The following AGPAT3 variants were observed in gnomAD, a reference collection of about 807,000 sequenced individuals.
The protein encoded by AGPAT3 is 1-acyl-sn-glycerol-3-phosphate acyltransferase gamma.
Under a neutral mutation model 47.3 loss-of-function variants are expected in AGPAT3, and 5 were observed. That is an observed-to-expected ratio of 0.11 (90% confidence interval 0.06 to 0.22). The LOEUF (loss-of-function observed/expected upper bound fraction) is 0.22, where lower values mean the gene tolerates loss of function less well. Ranked by LOEUF, AGPAT3 falls within the 10% of genes least tolerant of loss-of-function variation. AGPAT3 has a pLI of 1.00. For synonymous variants in AGPAT3, 212 were observed against 208.3 expected (o/e 1.02, Z -0.15); for missense variants, 315 against 493.0 (o/e 0.64, Z 3.42).
In AGPAT3 at chr21:43,908,207, A is replaced by G. The variant is rs375278129; in HGVS notation, c.-49+4188A>G. Among the ~76,000 whole-genome samples, 40 of 152,294 alleles carry G rather than the reference A, an allele frequency of 2.6e-4. No homozygotes were observed. In the East Asian group the frequency reaches 5.8e-3, roughly 22 times the overall value. The stretch of plus-strand genomic sequence containing the variant: ...GCAAGCTTCACTTGTGCCCTAAAGC[A>G]CAAAATACCAGGGCTTGGGGTGAAT... On this transcript the variant is annotated intron_variant, in intron 2 of 9. Coordinates refer to ENST00000291572, the MANE Select transcript of AGPAT3 (RefSeq NM_020132.5). The surrounding 1 kb of genome is among the most constrained non-coding windows in gnomAD (Gnocchi z 4.9).
At chr21:43,978,233 A>G (rs952790237) in intron 8 of AGPAT3, 112 bp downstream of exon 8, 53 of 705,052 alleles carry the variant, frequency 7.5e-5, no homozygotes, top group Non-Finnish European at 1.2e-4. Flanking sequence ...CAGGAGTGCC[A>G]CCCAGGTCCT....
At chr21:43,875,066 C>T (rs141186397) in intron 1 of AGPAT3, among the ~76,000 whole-genome samples, 305 of 152,182 alleles carry the variant, frequency 2.0e-3, no homozygotes, top group African/African-American at 7.0e-3. Context: ...CTGTAACCTC[C>T]GCCTCCCAGG....
intron 7 of AGPAT3, among the ~76,000 whole-genome samples, chr21:43,977,534 C>T (rs1019714636): frequency 1.3e-5 from 2 of 152,200 alleles, no homozygotes; most frequent in Non-Finnish European, 2.9e-5. Context: ...TGACTGTGTA[C>T]TCAGGGCGGA....
intron 1 of AGPAT3, among the ~76,000 whole-genome samples, chr21:43,870,329 G>A (rs113007882): frequency 0.03 from 4,638 of 152,200 alleles, 99 homozygotes; most frequent in Non-Finnish European, 0.043. Context: ...TATGTTTGTC[G>A]TGCAGTTCAG....
intron 1 of AGPAT3, among the ~76,000 whole-genome samples, chr21:43,903,000 C>CA (rs1401832891): frequency 2.0e-5 from 3 of 151,650 alleles, no homozygotes; most frequent in South Asian, 2.1e-4. Context: ...GATCCTGTCT[C>CA]AAAAAAAATA....
chr21:43,956,158 T>G (rs1371200784), intron 2 of AGPAT3, among the ~76,000 whole-genome samples: 2 of 152,162 alleles, frequency 1.3e-5, no homozygotes, highest in African/African-American at 4.8e-5. Context: ...GCCCCCACCC[T>G]GTACAACTCA....
chr21:43,866,593 A>G (rs574215598), intron 1 of AGPAT3: 1 of 151,866 alleles, frequency 6.6e-6, no homozygotes, highest in Non-Finnish European at 1.5e-5. Flanking sequence ...CCTCTTTCCA[A>G]CCAATCCTCC....
Position 43,955,308 on chromosome 21 carries a change from T to A in AGPAT3, c.-48-4326T>A. ...CAGGCTGGGTGGGGAAGGACTTGGA[T>A]GGAAATGTTCCCTGTTGCAGTGTGG... On this transcript the variant is annotated intron_variant, in intron 2 of 9. Coordinates refer to ENST00000291572, the MANE Select transcript of AGPAT3 (RefSeq NM_020132.5). The surrounding 1 kb of genome is among the most constrained non-coding windows in gnomAD (Gnocchi z 4.1). 1 of 1,098,212 alleles carries A rather than the reference T, an allele frequency of 9.1e-7. No individual in the cohort carries two copies. The highest frequency in any genetic ancestry group is 1.7e-5 in the South Asian group (1 of 57,222). The allele number at this position is 1,098,212 out of a possible 1,614,324, so 68.0% of individuals were successfully genotyped here.
In AGPAT3 at chr21:43,969,267, C is replaced by T. The variant is rs368791088; in HGVS notation, c.498C>T (p.Pro166=). Residue 166 remains proline (P), a synonymous_variant, in exon 5 of 10, where the codon CCC becomes CCT. Coordinates refer to ENST00000291572, the MANE Select transcript of AGPAT3 (RefSeq NM_020132.5). ...VEGLRRLSDY[P]EYMWFLLYCE... ...GGCTGAGGCGCCTGTCGGACTACCCCGAGTACATGTGGGTGAGTGCGCGGA... is the reference window on the plus strand; with the variant it reads ...GGCTGAGGCGCCTGTCGGACTACCCTGAGTACATGTGGGTGAGTGCGCGGA... 467 of 1,614,078 alleles carry T rather than the reference C, an allele frequency of 2.9e-4. No homozygotes were observed. The highest frequency in any genetic ancestry group is 3.5e-4 in the Non-Finnish European group (412 of 1,180,032).
In AGPAT3 at chr21:43,933,650, G is replaced by A. The variant is rs1453410330; in HGVS notation, c.-48-25984G>A. On this transcript the variant is annotated intron_variant, in intron 2 of 9. Transcript: ENST00000291572. This position sits in a 1 kb window ranked among gnomAD's most constrained non-coding sequence, Gnocchi z 6.0. ...ACAGCTTGGAAGCGGTTGGCACTGG[G>A]GTTAGGCTCCAGTAGTCTCGGCATG... 6.6e-6 allele frequency among the ~76,000 whole-genome samples: 1 copy of A among 152,040 alleles called. No individual in the cohort carries two copies. Among genetic ancestry groups the A allele is most frequent in the Non-Finnish European group, 1.5e-5 (1 of 68,028 alleles).
intron 2 of AGPAT3, among the ~76,000 whole-genome samples, chr21:43,907,910 G>A (rs2086541457): frequency 6.6e-6 from 1 of 152,204 alleles, no homozygotes. Flanking sequence ...TCCCCTGCTC[G>A]GGTGTTTGCG....
rs188533564 is a variant in AGPAT3 at position 43,873,136 on chromosome 21, C to T, written c.-112+7791C>T. 6.7e-4 allele frequency among the ~76,000 whole-genome samples: 102 copies of T among 152,248 alleles called. 1 individual carries two copies. In the East Asian group the frequency reaches 9.1e-3, roughly 14 times the overall value. Reference sequence around the variant, plus strand: ...GGCATCGAGTGGCGGGTGCACCTGCCGTGTGCTTCCCGGGGGACATGCTGA... The same window carrying T: ...GGCATCGAGTGGCGGGTGCACCTGCTGTGTGCTTCCCGGGGGACATGCTGA... On this transcript the variant is annotated intron_variant, in intron 1 of 9. Transcript: ENST00000291572.
At position 43,922,917 on chromosome 21, in the gene AGPAT3, G is replaced by A. The variant is rs998147243; in HGVS notation, c.-49+18898G>A. Among the ~76,000 whole-genome samples the A allele has an allele frequency of 3.3e-5, 5 of 152,346 alleles. No homozygotes were observed. Among genetic ancestry groups the A allele is most frequent in the Non-Finnish European group, 7.4e-5 (5 of 68,022 alleles). The stretch of plus-strand genomic sequence containing the variant: ...CCTGGGGTCTGGGCATGGGGCGCCT[G>A]TCCCCAGCGGGGCGGGCTCTGGGGT... On this transcript the variant is annotated intron_variant, in intron 2 of 9. Coordinates refer to ENST00000291572, the MANE Select transcript of AGPAT3 (RefSeq NM_020132.5). The surrounding 1 kb of genome is among the most constrained non-coding windows in gnomAD (Gnocchi z 4.9).
intron 2 of AGPAT3, among the ~76,000 whole-genome samples, chr21:43,941,735 G>T (rs1284956378): frequency 6.6e-6 from 1 of 152,266 alleles, no homozygotes; most frequent in African/African-American, 2.4e-5. Context: ...GGGCAGGCTG[G>T]CCCCAGCGAG....
At chr21:43,960,275 C>G (rs2088766861) in intron 3 of AGPAT3, among the ~76,000 whole-genome samples, 1 of 152,240 alleles carries the variant, frequency 6.6e-6, no homozygotes, top group African/African-American at 2.4e-5. Flanking sequence ...GGTGTCCTGC[C>G]TCCCTGCGTA....
rs545068371 is a variant in AGPAT3 at position 43,937,624 on chromosome 21, C to T, written c.-48-22010C>T. Among the ~76,000 whole-genome samples the T allele has an allele frequency of 3.3e-5, 5 of 152,232 alleles. No homozygotes were observed. In the East Asian group the frequency reaches 5.8e-4, roughly 18 times the overall value. ...TGTCACTAAGGCTTAAGTGCAGTGG[C>T]GCAATCGTGGCTCACTGCAGCCTTG... On this transcript the variant is annotated intron_variant, in intron 2 of 9. Transcript: ENST00000291572.
At chr21:43,873,471 G>A (rs377091189) in intron 1 of AGPAT3, among the ~76,000 whole-genome samples, 8 of 152,234 alleles carry the variant, frequency 5.3e-5, no homozygotes, top group African/African-American at 1.9e-4. Flanking sequence ...TCTGCCTCCC[G>A]GGTTCAAGCG....
At chr21:43,890,934 T>C (rs1300452615) in intron 1 of AGPAT3, among the ~76,000 whole-genome samples, 2 of 151,978 alleles carry the variant, frequency 1.3e-5, no homozygotes, top group Non-Finnish European at 2.9e-5. Context: ...GACGGGGTTT[T>C]GCCATGTTGG....
At chr21:43,889,466 C>T (rs944903674) in intron 1 of AGPAT3, among the ~76,000 whole-genome samples, 12 of 152,136 alleles carry the variant, frequency 7.9e-5, no homozygotes, top group Non-Finnish European at 1.8e-4. Context: ...CCCTGCATTC[C>T]TGGAATAAAC....
Sources: allele counts gnomAD v4.1 joint callset (sites outside exome capture counted in the v4.1 genomes callset), GRCh38; gene constraint gnomAD v4.1.1; non-coding constraint Gnocchi (gnomAD v3.1); transcripts MANE v1.5; gene names NCBI Gene and HGNC (gene_info 2026-07-23, HGNC 2026-07-21).